The following HLX variants were observed in gnomAD, a reference collection of about 807,000 sequenced individuals.
HLX encodes H2.0-like homeobox protein.
Under a neutral mutation model 27.7 loss-of-function variants are expected in HLX, and 6 were observed. The observed-to-expected ratio is 0.22, with a 90% confidence interval of 0.12 to 0.43. The LOEUF (loss-of-function observed/expected upper bound fraction) is 0.43. HLX is among the 20% of genes least tolerant of loss of function. The pLI, the probability that HLX is intolerant of heterozygous loss-of-function variation, is 1.00. For synonymous variants in HLX, 328 were observed against 293.8 expected (o/e 1.12, Z -1.19); for missense variants, 666 against 655.2 (o/e 1.02, Z -0.18).
At position 220,884,106 on chromosome 1, in the gene HLX, G is replaced by A; in HGVS notation, c.958-89G>A. 1 of 1,339,368 alleles carries A rather than the reference G, an allele frequency of 7.5e-7. No individual in the cohort carries two copies. The highest frequency in any genetic ancestry group is 1.1e-6 in the Non-Finnish European group (1 of 938,286). The allele number at this position is 1,339,368 out of a possible 1,614,324, so 83.0% of individuals were successfully genotyped here. A position where few individuals can be genotyped will look rare whatever the true frequency, so the allele number is the denominator to read the frequency against. ...AAGCGTTGCTTTTTCACTCAGGGAG[G>A]TGGCTTGAGGGTGCACGCGAGTCGG... On this transcript the variant is annotated intron_variant, in intron 3 of 3. Transcript: ENST00000366903. The surrounding 1 kb of genome is among the most constrained non-coding windows in gnomAD (Gnocchi z 4.9).
In HLX at chr1:220,879,459, C is replaced by A. The variant is rs201873114; in HGVS notation, c.-399C>A. ...TTTTTTTCTATTACTTTTCCCCCCCCCTAACTAACGGACTATTATTGTTGT... is the reference window on the plus strand; with the variant it reads ...TTTTTTTCTATTACTTTTCCCCCCCACTAACTAACGGACTATTATTGTTGT... On this transcript the variant is annotated 5_prime_UTR_variant, in exon 1 of 4. Coordinates refer to ENST00000366903, the MANE Select transcript of HLX (RefSeq NM_021958.4). The A allele has an allele frequency of 3.2e-3, 600 of 186,348 alleles. 15 individuals are homozygous for A. In the South Asian group the frequency reaches 0.044, roughly 14 times the overall value. 11.5% of individuals were successfully genotyped at this position (186,348 alleles called of 1,614,324 possible). A position where few individuals can be genotyped will look rare whatever the true frequency, so the allele number is the denominator to read the frequency against.
intron 1 of HLX, 158 bp downstream of exon 1, chr1:220,880,607 T>A (rs1336491789): frequency 2.0e-5 from 15 of 768,914 alleles, no homozygotes; most frequent in South Asian, 1.7e-4. Flanking sequence ...AAACATTAGG[T>A]CTAAAACTCA....
At chr1:220,880,653 G>T in intron 1 of HLX, 1 of 613,078 alleles carries the variant, frequency 1.6e-6, no homozygotes, top group Non-Finnish European at 2.9e-6. Flanking sequence ...AATGACTCCA[G>T]GGATTCTTTA....
In HLX at chr1:220,880,466, A is replaced by T. The variant is rs936691728; in HGVS notation, c.592+17A>T. 1 of 1,612,844 alleles carries T rather than the reference A, an allele frequency of 6.2e-7. No homozygotes were observed. Among genetic ancestry groups the T allele is most frequent in the Admixed American group, 1.7e-5 (1 of 60,002 alleles). ...CGCTGAGAGGTAGGTCTTGGGCGGG[A>T]GGCTGCAGGCCTCTGACCACTGACC... On this transcript the variant is annotated intron_variant, in intron 1 of 3. Coordinates refer to ENST00000366903, the MANE Select transcript of HLX (RefSeq NM_021958.4).
At chr1:220,883,806 G>T in intron 3 of HLX, 1 of 242,710 alleles carries the variant, frequency 4.1e-6, no homozygotes, top group Non-Finnish European at 8.1e-6. Context: ...TCTGGGCTAG[G>T]AGTCCATAAC....
chr1:220,880,099 C>T lies in HLX; in HGVS notation c.242C>T (p.Pro81Leu). The part of the protein sequence containing the change: ...ALTAHLGSVH[P>L]HASFQAAARS... ...ACCGCGCACTTGGGCTCGGTTCACC[C>T]GCACGCCTCTTTCCAAGCGGCGGCC... is the stretch of plus-strand genomic sequence containing the variant. The change falls in exon 1 of 4, where the codon CCG (proline) becomes CTG (leucine). Residue 81 changes from proline to leucine, a missense_variant. Pro to Leu is a moderately conservative substitution (Grantham distance 98, BLOSUM62 -3). Coordinates refer to ENST00000366903, the MANE Select transcript of HLX (RefSeq NM_021958.4). The T allele has an allele frequency of 1.3e-6, 2 of 1,598,566 alleles. No individual in the cohort carries two copies. Among genetic ancestry groups the T allele is most frequent in the Non-Finnish European group, 1.7e-6 (2 of 1,174,054 alleles).
rs377719897 is a variant in HLX at position 220,881,333 on chromosome 1, A to C, written c.732A>C (p.Pro244=). 20 of 1,614,040 alleles carry C rather than the reference A, an allele frequency of 1.2e-5. No homozygotes were observed. The highest frequency in any genetic ancestry group is 1.4e-5 in the Non-Finnish European group (17 of 1,179,990). The change falls in exon 2 of 4, where the codon CCA becomes CCC. Residue 244 remains proline, a synonymous_variant. Coordinates refer to ENST00000366903, the MANE Select transcript of HLX (RefSeq NM_021958.4). ...TCCTGAGTCCCTTAAACTCGAACCC[A>C]AGAAATTCAGTTCAGCATCAGTTCC... ...SAILSPLNSN[P]RNSVQHQFQD... is the part of the protein sequence containing the mutation.
chr1:220,882,102 C>G lies in HLX; in HGVS notation c.773-62C>G, dbSNP rs749916370. ...TACGGGGACCCCCAGGCTGGCAGGT[C>G]AAGGACTGGACACTGAACGGCCCTC... On this transcript the variant is annotated intron_variant, in intron 2 of 3. Transcript: ENST00000366903. The G allele has an allele frequency of 1.7e-5, 26 of 1,519,950 alleles. No homozygotes were observed. The East Asian group carries it at 2.9e-4, about 17-fold the overall frequency. The allele number at this position is 1,519,950 out of a possible 1,614,324, so 94.2% of individuals were successfully genotyped here. A position where few individuals can be genotyped will look rare whatever the true frequency, so the allele number is the denominator to read the frequency against.
chr1:220,880,021 G>A lies in HLX; in HGVS notation c.164G>A (p.Gly55Glu). The A allele has an allele frequency of 6.3e-7, 1 of 1,594,202 alleles. No individual in the cohort carries two copies. Residue 55 changes from glycine to glutamate, a missense_variant, in exon 1 of 4, where the codon GGG becomes GAG. Gly to Glu is a moderately conservative substitution (Grantham distance 98, BLOSUM62 -2). Coordinates refer to ENST00000366903, the MANE Select transcript of HLX (RefSeq NM_021958.4). ...GCAGACATTCTGCACGCCGGCGTGG[G>A]GGATCTGGGGGCGGCCCCGGAGGGC... is the stretch of plus-strand genomic sequence containing the variant. The part of the protein sequence containing the change: ...CIADILHAGV[G>E]DLGAAPEGLA...
chr1:220,882,397 C>G, intron 3 of HLX, 49 bp downstream of exon 3: 1 of 1,571,066 alleles, frequency 6.4e-7, no homozygotes. Flanking sequence ...CGGGCAGCAG[C>G]GCACGGCCTA....
chr1:220,882,476 A>G (rs1674478934), intron 3 of HLX, 128 bp downstream of exon 3: 1 of 827,296 alleles, frequency 1.2e-6, no homozygotes. Flanking sequence ...TTGACTTTCA[A>G]GAGGCTTTGT....
intron 2 of HLX, chr1:220,881,621 G>T: frequency 1.7e-6 from 1 of 576,144 alleles, no homozygotes; most frequent in Admixed American, 3.0e-5. Flanking sequence ...GGGGTGGGGG[G>T]CTTTCTCGAA....
rs754436791 is a variant in HLX, at chr1:220,880,145, C to A, written c.288C>A (p.Thr96=). The part of the protein sequence containing the change: ...QAAARSPLRP[T]PVVAPSEVPA... The stretch of plus-strand genomic sequence containing the variant: ...CGGCCAGATCCCCGCTTCGACCCAC[C>A]CCAGTGGTGGCGCCCTCCGAAGTCC... Residue 96 remains threonine, a synonymous_variant, in exon 1 of 4, where the codon ACC becomes ACA. Transcript: ENST00000366903. 9.3e-6 allele frequency: 15 copies of A among 1,611,724 alleles called. No homozygotes were observed. Among genetic ancestry groups the A allele is most frequent in the Non-Finnish European group, 7.6e-6 (9 of 1,179,406 alleles).
At position 220,879,651 on chromosome 1, in the gene HLX, G is replaced by A; in HGVS notation, c.-207G>A. ...CGCCTTTAAAGCGAGGCCAGGGAGC[G>A]AGGCGGTGACCGGCCGAGATCCGGC... On this transcript the variant is annotated 5_prime_UTR_variant, in exon 1 of 4. Transcript: ENST00000366903. The A allele has an allele frequency of 7.8e-6, 6 of 766,344 alleles. No individual in the cohort carries two copies. In the South Asian group the frequency reaches 1.1e-4, roughly 14 times the overall value. 47.5% of individuals were successfully genotyped at this position (766,344 alleles called of 1,614,324 possible). A position where few individuals can be genotyped will look rare whatever the true frequency, so the allele number is the denominator to read the frequency against.
rs1484108700 is a variant in HLX at position 220,884,692 on chromosome 1, T to A, written c.1455T>A (p.Leu485=). ...PKSPEPAQGA[L]GCL ...GCCCCGAGCCAGCCCAAGGCGCGCT[T>A]GGCTGCTTATAGACTGTACTAGGGC... Residue 485 remains leucine (L), a synonymous_variant, in exon 4 of 4, where the codon CTT becomes CTA. Coordinates refer to ENST00000366903, the MANE Select transcript of HLX (RefSeq NM_021958.4). This position sits in a 1 kb window ranked among gnomAD's most constrained non-coding sequence, Gnocchi z 4.9. 4 of 1,609,918 alleles carry A rather than the reference T, an allele frequency of 2.5e-6. No homozygotes were observed. The South Asian group carries it at 4.4e-5, about 18-fold the overall frequency.
In HLX at chr1:220,881,295, G is replaced by C. The variant is rs771762362; in HGVS notation, c.694G>C (p.Glu232Gln). The C allele has an allele frequency of 1.9e-6, 3 of 1,614,048 alleles. No individual in the cohort carries two copies. The highest frequency in any genetic ancestry group is 3.3e-5 in the Admixed American group (2 of 60,024). Residue 232 changes from glutamate to glutamine, a missense_variant, in exon 2 of 4, where the codon GAG becomes CAG. By Grantham distance (29) the Glu-to-Gln change is conservative (BLOSUM62 2). Transcript: ENST00000366903. The stretch of plus-strand genomic sequence containing the variant: ...CTTCGCATCTCTAGATCCCATTAAC[G>C]AGGCTTCTGCAATCCTGAGTCCCTT... ...QFFASLDPIN[E>Q]ASAILSPLNS...
intron 1 of HLX, chr1:220,880,759 T>G: frequency 2.2e-6 from 1 of 455,880 alleles, no homozygotes; most frequent in Non-Finnish European, 3.9e-6. Context: ...AGAGACAGAA[T>G]TATATTTTCT....
rs1674516158 is a variant in HLX at position 220,884,124 on chromosome 1, C to A, written c.958-71C>A. The A allele has an allele frequency of 1.3e-6, 2 of 1,515,192 alleles. No individual in the cohort carries two copies. Among genetic ancestry groups the A allele is most frequent in the East Asian group, 2.3e-5 (1 of 44,232 alleles). The allele number at this position is 1,515,192 out of a possible 1,614,324, so 93.9% of individuals were successfully genotyped here. ...CAGGGAGGTGGCTTGAGGGTGCACG[C>A]GAGTCGGATAGGAGCAAACCTGGGT... On this transcript the variant is annotated intron_variant, in intron 3 of 3. Transcript: ENST00000366903. The surrounding 1 kb of genome is among the most constrained non-coding windows in gnomAD (Gnocchi z 4.9).
In HLX at chr1:220,879,765, C is replaced by T. The variant is rs1674381392; in HGVS notation, c.-93C>T. ...GCGAAAGCGGATCGTCCTCGGCTGCCGCCGCCTTCTCCGGGACTCGCGCGC... is the reference window on the plus strand; with the variant it reads ...GCGAAAGCGGATCGTCCTCGGCTGCTGCCGCCTTCTCCGGGACTCGCGCGC... On this transcript the variant is annotated 5_prime_UTR_variant, in exon 1 of 4. Transcript: ENST00000366903. 2.1e-6 allele frequency: 3 copies of T among 1,451,986 alleles called. No homozygotes were observed. The highest frequency in any genetic ancestry group is 2.7e-6 in the Non-Finnish European group (3 of 1,109,842). 89.9% of individuals were successfully genotyped at this position (1,451,986 alleles called of 1,614,324 possible). A position where few individuals can be genotyped will look rare whatever the true frequency, so the allele number is the denominator to read the frequency against.
Sources: gnomAD v4.1 joint callset for allele counts on GRCh38, gnomAD v4.1.1 for gene constraint, Gnocchi (gnomAD v3.1) non-coding constraint, MANE v1.5 for transcripts, NCBI Gene and HGNC (gene_info 2026-07-23, HGNC 2026-07-21) for gene names.